The following NAPSA variants were observed in gnomAD, a reference collection of about 807,000 sequenced individuals.
NAPSA encodes the protein napsin-A.
In NAPSA, 37 loss-of-function variants were observed where a neutral mutation model predicts 36.7. The ratio of observed to expected loss-of-function variants is 1.01; its 90% confidence interval spans 0.78 to 1.33. The LOEUF (loss-of-function observed/expected upper bound fraction) is 1.33, where lower values mean the gene tolerates loss of function less well. Ranked by LOEUF, NAPSA falls within the 40% of genes most tolerant of loss-of-function variation. The pLI, the probability that NAPSA is intolerant of heterozygous loss-of-function variation, is 0.00. For missense variants in NAPSA, 532 were observed against 543.8 expected, an observed-to-expected ratio of 0.98 and a Z score of 0.21; for synonymous variants, 222 against 234.5, an observed-to-expected ratio of 0.95 and a Z score of 0.49.
rs143284959 is a variant in NAPSA at position 50,359,549 on chromosome 19, C to G, written c.890G>C (p.Arg297Pro). Residue 297 changes from arginine (R) to proline (P), a missense_variant, in exon 7 of 9, where the codon CGG becomes CCG. Around this residue, in one of 3 missense-constraint regions of NAPSA, gnomAD observed 385 missense variants for 371.5 expected, o/e 1.04. Coordinates refer to ENST00000253719, the MANE Select transcript of NAPSA (RefSeq NM_004851.3). The stretch of plus-strand genomic sequence containing the variant: ...TCCCCCAATGGCTGCATGCAGGGCC[C>G]GGATCTCCTCAGTGGGTCCTGTGAT... ...SLITGPTEEIRALHAAIGGIP... is the reference protein window; with the variant it reads ...SLITGPTEEIPALHAAIGGIP... 1.2e-6 allele frequency: 2 copies of G among 1,614,214 alleles called. No individual in the cohort carries two copies. The highest frequency in any genetic ancestry group is 1.7e-6 in the Non-Finnish European group (2 of 1,180,048).
intron 1 of NAPSA, among the ~76,000 whole-genome samples, chr19:50,364,071 G>C (rs1043788823): frequency 6.6e-6 from 1 of 152,118 alleles, no homozygotes; most frequent in African/African-American, 2.4e-5. Context: ...TGTAATCCCA[G>C]CACTTTGGGA....
chr19:50,362,764 C>A (rs1480474105), intron 1 of NAPSA: 1 of 153,376 alleles, frequency 6.5e-6, no homozygotes, highest in African/African-American at 2.4e-5. Flanking sequence ...TCTCAAACTC[C>A]TGGCCTCAGC....
At position 50,359,758 on chromosome 19, in the gene NAPSA, C is replaced by G. The variant is rs771854245; in HGVS notation, c.773G>C (p.Trp258Ser). ...CCCTCACCGCTCCATGTGGATCTGC[C>G]AGTAGGCAGGGACCGTGACTGGCAC... is the stretch of plus-strand genomic sequence containing the variant. ...TFVPVTVPAY[W>S]QIHMERVKVG... The change falls in exon 6 of 9, where the codon TGG becomes TCG. Residue 258 changes from tryptophan (W) to serine (S), a missense_variant. Trp to Ser is a radical substitution (Grantham distance 177). Around this residue, in one of 3 missense-constraint regions of NAPSA, gnomAD observed 385 missense variants for 371.5 expected, o/e 1.04. Transcript: ENST00000253719. The G allele has an allele frequency of 2.1e-5, 34 of 1,614,178 alleles. No homozygotes were observed. The South Asian group carries it at 3.3e-4, about 16-fold the overall frequency.
At chr19:50,358,851 TC>T (rs1460225943) in intron 8 of NAPSA, 71 bp from the exon 9 acceptor site, 48 of 1,417,834 alleles carry the variant, frequency 3.4e-5, no homozygotes, top group South Asian at 5.3e-5. Context: ...AGCCCGTCCA[TC>T]CCCCCCACCC....
chr19:50,362,117 C>T (rs1277017187), intron 2 of NAPSA, 25 bp from the exon 3 acceptor site: 15 of 1,613,572 alleles, frequency 9.3e-6, no homozygotes, highest in South Asian at 3.3e-5. Context: ...GGAGAGTAAA[C>T]GAAGAGTTTG....
At chr19:50,361,445 C>T (rs1329685167) in intron 4 of NAPSA, 10 of 590,814 alleles carry the variant, frequency 1.7e-5, no homozygotes, top group Non-Finnish European at 2.7e-5. Context: ...GAAGCTCCTC[C>T]CCCCTGCTTG....
rs566480672 is a variant in NAPSA at position 50,361,978 on chromosome 19, C to T, written c.340G>A (p.Val114Met). The T allele has an allele frequency of 1.2e-4, 197 of 1,596,478 alleles. 3 individuals are homozygous for T. In the South Asian group the frequency reaches 2.1e-3, roughly 17 times the overall value. The change falls in exon 3 of 9, where the codon GTG becomes ATG. Residue 114 changes from valine (V) to methionine (M), a missense_variant. Around this residue, in one of 3 missense-constraint regions of NAPSA, gnomAD observed 45 missense variants for 78.7 expected, o/e 0.57. Transcript: ENST00000253719. ...CCACATAGAAGCTCACAGCAGGGCA[C>T]ACTGAAGAAGTGGCATCTCCTGGAC... ...VPSRRCHFFSVPCWLHHRFDP... is the reference protein window; with the variant it reads ...VPSRRCHFFSMPCWLHHRFDP...
rs749672946 is a variant in NAPSA at position 50,361,701 on chromosome 19, C to G, written c.430G>C (p.Gly144Arg). The change falls in exon 4 of 9, where the codon GGG becomes CGG. Residue 144 changes from glycine to arginine, a missense_variant. Around this residue, in one of 3 missense-constraint regions of NAPSA, gnomAD observed 385 missense variants for 371.5 expected, o/e 1.04. Transcript: ENST00000253719. ...TCGCTCAGGATTCCATCTACCCGCCCAGTTCCATATTGAATGGCAAACTTG... is the reference window on the plus strand; with the variant it reads ...TCGCTCAGGATTCCATCTACCCGCCGAGTTCCATATTGAATGGCAAACTTG... ...GTKFAIQYGT[G>R]RVDGILSEDK... The G allele has an allele frequency of 6.2e-7, 1 of 1,614,086 alleles. No individual in the cohort carries two copies. The highest frequency in any genetic ancestry group is 1.1e-5 in the South Asian group (1 of 91,074).
chr19:50,360,933 C>A lies in NAPSA; in HGVS notation c.668+8G>T, dbSNP rs754436683. ...AGGACTCATAGATAGGTGCACACTT[C>A]CCAGTACCTGTTGAGGTAAAAGGAG... On this transcript the variant is annotated splice_region_variant and intron_variant, in intron 5 of 8. Coordinates refer to ENST00000253719, the MANE Select transcript of NAPSA (RefSeq NM_004851.3). 5 of 1,613,168 alleles carry A rather than the reference C, an allele frequency of 3.1e-6. No homozygotes were observed. In the South Asian group the frequency reaches 5.5e-5, roughly 18 times the overall value.
chr19:50,362,763 C>G (rs1452740918), intron 1 of NAPSA: 1 of 153,352 alleles, frequency 6.5e-6, no homozygotes, highest in African/African-American at 2.4e-5. Flanking sequence ...ATCTCAAACT[C>G]CTGGCCTCAG....
upstream of NAPSA, among the ~76,000 whole-genome samples, chr19:50,368,578 G>T (rs760357947): frequency 1.1e-4 from 16 of 152,114 alleles, no homozygotes; most frequent in Non-Finnish European, 4.4e-5. Flanking sequence ...GCAGCCGAAC[G>T]TGTCCCTGAT....
intron 5 of NAPSA, 92 bp from the exon 6 acceptor site, chr19:50,359,954 T>TG: frequency 3.3e-6 from 5 of 1,522,734 alleles, no homozygotes; most frequent in Non-Finnish European, 3.5e-6. Context: ...TCCCACCAAC[T>TG]GGGTTGTTTC....
Position 50,358,733 on chromosome 19 carries a change from C to T in NAPSA, c.1083G>A (p.Leu361=), listed in dbSNP as rs1210328784. The T allele has an allele frequency of 3.7e-6, 6 of 1,613,338 alleles. No individual in the cohort carries two copies. The highest frequency in any genetic ancestry group is 1.6e-4 in the Middle Eastern group (1 of 6,084). The change falls in exon 9 of 9, where the codon CTG becomes CTA. Residue 361 remains leucine, a synonymous_variant. Coordinates refer to ENST00000253719, the MANE Select transcript of NAPSA (RefSeq NM_004851.3). The part of the protein sequence containing the change: ...VRLCLSGFQA[L]DVPPPAGPFW... ...AGGGCCCTGCAGGCGGAGGGACATC[C>T]AGGGCCTGGAAACCGGACAAGCAGA...
chr19:50,363,115 T>C (rs2037499105), intron 1 of NAPSA, among the ~76,000 whole-genome samples: 1 of 152,200 alleles, frequency 6.6e-6, no homozygotes, highest in Non-Finnish European at 1.5e-5. Flanking sequence ...AATATCTTCG[T>C]TCCTGCCTTT....
In NAPSA at chr19:50,359,006, C is replaced by T. The variant is rs771738950; in HGVS notation, c.1035+5G>A. On this transcript the variant is annotated splice_donor_5th_base_variant and intron_variant, in intron 8 of 8. Coordinates refer to ENST00000253719, the MANE Select transcript of NAPSA (RefSeq NM_004851.3). ...CACTATGGCGTCATGGTGATGGCCA[C>T]CTACCTGGATGACGTAATCATGGGC... 11 of 1,611,624 alleles carry T rather than the reference C, an allele frequency of 6.8e-6. No homozygotes were observed. The highest frequency in any genetic ancestry group is 9.3e-6 in the Non-Finnish European group (11 of 1,177,860).
chr19:50,362,428 G>GTGCCT, intron 1 of NAPSA, 115 bp from the exon 2 acceptor site: 1 of 927,460 alleles, frequency 1.1e-6, no homozygotes, highest in Non-Finnish European at 1.6e-6. Context: ...TACAATAGTA[G>GTGCCT]TCAGTACCAG....
At chr19:50,364,804 A>G (rs1407227776) in intron 1 of NAPSA, among the ~76,000 whole-genome samples, 1 of 146,698 alleles carries the variant, frequency 6.8e-6, no homozygotes, top group South Asian at 2.1e-4. Flanking sequence ...ACAGCCTGGC[A>G]AACATGGCGA....
At position 50,361,025 on chromosome 19, in the gene NAPSA, G is replaced by C. The variant is rs1225556993; in HGVS notation, c.584C>G (p.Ser195Cys). Reference sequence around the variant, plus strand: ...CATCGGGGGCCGAACTCCTTCCACAGACAGAATGGGAAAACCGAGGCCCAA... The same window carrying C: ...CATCGGGGGCCGAACTCCTTCCACACACAGAATGGGAAAACCGAGGCCCAA... ...GILGLGFPIL[S>C]VEGVRPPMDV... Residue 195 changes from serine (S) to cysteine (C), a missense_variant, in exon 5 of 9, where the codon TCT becomes TGT. Ser to Cys is a moderately radical substitution (Grantham distance 112). This residue lies in a region of NAPSA where 385 missense variants were observed against 371.5 expected (regional missense o/e 1.04). Coordinates refer to ENST00000253719, the MANE Select transcript of NAPSA (RefSeq NM_004851.3). 6.2e-7 allele frequency: 1 copy of C among 1,614,048 alleles called. No individual in the cohort carries two copies. The highest frequency in any genetic ancestry group is 1.3e-5 in the African/African-American group (1 of 74,908).
rs1325602068 is a variant in NAPSA at position 50,361,414 on chromosome 19, A to T, written c.468+249T>A. On this transcript the variant is annotated intron_variant, in intron 4 of 8. Coordinates refer to ENST00000253719, the MANE Select transcript of NAPSA (RefSeq NM_004851.3). ...AGGAAGCTCCTCCTCCCTGCTTGAG[A>T]AGCCCCACCTCTTAACCTTGGAAGC... 10 of 578,220 alleles carry T rather than the reference A, an allele frequency of 1.7e-5. No individual in the cohort carries two copies. In the East Asian group the frequency reaches 2.9e-4, roughly 17 times the overall value. 35.8% of individuals were successfully genotyped at this position (578,220 alleles called of 1,614,324 possible). A position where few individuals can be genotyped will look rare whatever the true frequency, so the allele number is the denominator to read the frequency against.
Sources: allele counts gnomAD v4.1 joint callset (sites outside exome capture counted in the v4.1 genomes callset), GRCh38; gene constraint gnomAD v4.1.1; regional missense constraint gnomAD v4.1.1; transcripts MANE v1.5; gene names NCBI Gene and HGNC (gene_info 2026-07-23, HGNC 2026-07-21).